MDN1: variants seen among roughly 807,000 people sequenced by gnomAD.
MDN1 encodes the protein midasin.
Under a neutral mutation model 669.2 loss-of-function variants are expected in MDN1, and 266 were observed. That is an observed-to-expected ratio of 0.40 (90% CI 0.36 to 0.44). The LOEUF (loss-of-function observed/expected upper bound fraction) is 0.44. Among genes scored for constraint, MDN1 ranks in the 20% least tolerant of loss-of-function variants. The probability of loss-of-function intolerance (pLI) is 1.00; values close to 1 mark genes in which losing one functional copy is unlikely to be tolerated. For synonymous variants in MDN1, 2,385 were observed against 2,457.1 expected, an observed-to-expected ratio of 0.97 and a Z score of 0.87; for missense variants, 5,940 against 6,754.0, an observed-to-expected ratio of 0.88 and a Z score of 4.22.
intron 40 of MDN1, 38 bp from the exon 41 acceptor site, chr6:89,719,263 C>T (rs1328164588): frequency 1.3e-6 from 2 of 1,540,414 alleles, no homozygotes; most frequent in African/African-American, 1.4e-5. Context: ...ACACAAATCA[C>T]TCCACCTAAT....
In MDN1 at chr6:89,643,918, T is replaced by A. The variant is rs1372941480; in HGVS notation, c.*87A>T. 23 of 1,130,896 alleles carry A rather than the reference T, an allele frequency of 2.0e-5. No homozygotes were observed. Among genetic ancestry groups the A allele is most frequent in the Non-Finnish European group, 2.8e-5 (23 of 818,650 alleles). The allele number at this position is 1,130,896 out of a possible 1,614,324, so 70.1% of individuals were successfully genotyped here. On this transcript the variant is annotated 3_prime_UTR_variant, in exon 102 of 102. Transcript: ENST00000369393. ...AAATAAAAATATTACAATAAAATTT[T>A]TTGTAGTTGTCCAAAAGGGAGCACC...
At chr6:89,807,188 G>A (rs898499870) in intron 1 of MDN1, among the ~76,000 whole-genome samples, 1 of 152,048 alleles carries the variant, frequency 6.6e-6, no homozygotes, top group Non-Finnish European at 1.5e-5. Flanking sequence ...CCAGACTCAA[G>A]GGATCCTCCT....
At chr6:89,678,817 C>T in intron 74 of MDN1, 72 bp from the exon 75 acceptor site, 25 of 1,496,270 alleles carry the variant, frequency 1.7e-5, no homozygotes, top group Non-Finnish European at 2.3e-5. Context: ...TGTTTGTTAC[C>T]CAACACCAGG....
intron 35 of MDN1, among the ~76,000 whole-genome samples, chr6:89,730,364 T>C (rs538912860): frequency 2.0e-5 from 3 of 152,312 alleles, no homozygotes; most frequent in Non-Finnish European, 4.4e-5. Flanking sequence ...TGAGGTTGTA[T>C]AGTTAAGATA....
rs147773405 is a variant in MDN1 at position 89,723,636 on chromosome 6, A to T, written c.5671-17T>A. On this transcript the variant is annotated splice_polypyrimidine_tract_variant and intron_variant, in intron 38 of 101. Coordinates refer to ENST00000369393, the MANE Select transcript of MDN1 (RefSeq NM_014611.3). ...AACGAAGACCTAGAAATCCAAAAAT[A>T]ATATGAAGAAATGCCTTTGTTTCTC... The T allele has an allele frequency of 7.2e-7, 1 of 1,393,798 alleles. No homozygotes were observed. Among genetic ancestry groups the T allele is most frequent in the Non-Finnish European group, 9.9e-7 (1 of 1,015,064 alleles). The allele number at this position is 1,393,798 out of a possible 1,614,324, so 86.3% of individuals were successfully genotyped here.
intron 46 of MDN1, among the ~76,000 whole-genome samples, chr6:89,713,581 G>C (rs960316793): frequency 1.4e-4 from 21 of 152,112 alleles, no homozygotes; most frequent in African/African-American, 5.1e-4. Flanking sequence ...TTAATCTAAT[G>C]CTGACACACA....
chr6:89,711,985 CA>C (rs1262758647), intron 49 of MDN1, 50 bp downstream of exon 49: 11 of 1,451,314 alleles, frequency 7.6e-6, no homozygotes, highest in East Asian at 2.3e-5. Context: ...ACTTAAATAG[CA>C]TAAGTGTATA....
At position 89,751,415 on chromosome 6, in the gene MDN1, A is replaced by G. The variant is rs1397630220; in HGVS notation, c.3227+16T>C. Reference sequence around the variant, plus strand: ...CCTGTATCAAGTTCGGGGCAGCGAGAAAAAAGCCCACACACCCTGCAGAGA... The same window carrying G: ...CCTGTATCAAGTTCGGGGCAGCGAGGAAAAAGCCCACACACCCTGCAGAGA... On this transcript the variant is annotated intron_variant, in intron 23 of 101. Coordinates refer to ENST00000369393, the MANE Select transcript of MDN1 (RefSeq NM_014611.3). The G allele has an allele frequency of 2.5e-6, 4 of 1,613,826 alleles. No individual in the cohort carries two copies. The highest frequency in any genetic ancestry group is 3.4e-6 in the Non-Finnish European group (4 of 1,179,810).
intron 5 of MDN1, among the ~76,000 whole-genome samples, chr6:89,791,826 G>A (rs971971739): frequency 5.3e-5 from 8 of 151,170 alleles, no homozygotes; most frequent in South Asian, 2.1e-4. Context: ...GTGAACTAAC[G>A]TGTAAAGTAA....
chr6:89,721,572 A>G (rs1814824559), intron 40 of MDN1, among the ~76,000 whole-genome samples: 1 of 152,140 alleles, frequency 6.6e-6, no homozygotes, highest in Admixed American at 6.5e-5. Context: ...CTGTTATCCT[A>G]AACTAGGGTT....
At position 89,716,651 on chromosome 6, in the gene MDN1, T is replaced by C; in HGVS notation, c.6742A>G (p.Asn2248Asp). Reference sequence around the variant, plus strand: ...ACTGATTAGGCATAAGGTTCTTACTTGCAGAAGTTAACATTGTCCATCAGA... The same window carrying C: ...ACTGATTAGGCATAAGGTTCTTACTCGCAGAAGTTAACATTGTCCATCAGA... ...WLLMDNVNFCNPSVLDRLNAL... is the reference protein window; with the variant it reads ...WLLMDNVNFCDPSVLDRLNAL... Residue 2248 changes from asparagine (N) to aspartate (D), a missense_variant and splice_region_variant, in exon 44 of 102, where the codon AAC (asparagine) becomes GAC (aspartate). Physicochemically the swap from Asn to Asp is conservative, Grantham distance 23. Coordinates refer to ENST00000369393, the MANE Select transcript of MDN1 (RefSeq NM_014611.3). 6.2e-7 allele frequency: 1 copy of C among 1,609,340 alleles called. No homozygotes were observed. Among genetic ancestry groups the C allele is most frequent in the South Asian group, 1.1e-5 (1 of 89,840 alleles).
intron 20 of MDN1, among the ~76,000 whole-genome samples, chr6:89,755,497 A>C (rs114576519): frequency 0.012 from 1,758 of 152,268 alleles, 49 homozygotes; most frequent in African/African-American, 0.04. Flanking sequence ...TCTAGAATTA[A>C]AGCTCAATGA....
At position 89,712,712 on chromosome 6, in the gene MDN1, G is replaced by A. The variant is rs1352346365; in HGVS notation, c.7293C>T (p.Gly2431=). 1 of 1,613,994 alleles carries A rather than the reference G, an allele frequency of 6.2e-7. No homozygotes were observed. The highest frequency in any genetic ancestry group is 1.7e-5 in the Admixed American group (1 of 60,002). ...AHETWGDSIL[G]MGLWPDSVPS... is the part of the protein sequence containing the mutation. Reference sequence around the variant, plus strand: ...GCACAGAATCTGGCCACAGTCCCATGCCAAGAATGGAGTCTCCCCAGGTTT... The same window carrying A: ...GCACAGAATCTGGCCACAGTCCCATACCAAGAATGGAGTCTCCCCAGGTTT... The change falls in exon 48 of 102, where the codon GGC becomes GGT. Residue 2431 remains glycine (G), a synonymous_variant. Transcript: ENST00000369393.
chr6:89,808,090 T>C (rs1013966273), intron 1 of MDN1, among the ~76,000 whole-genome samples: 2 of 152,020 alleles, frequency 1.3e-5, no homozygotes, highest in Non-Finnish European at 2.9e-5. Flanking sequence ...ATAATCACTT[T>C]TTTCTTTTTT....
At chr6:89,773,259 A>G (rs976023558) in intron 13 of MDN1, among the ~76,000 whole-genome samples, 4 of 152,182 alleles carry the variant, frequency 2.6e-5, no homozygotes. Flanking sequence ...TACACACACA[A>G]GGCAGAGCAT....
chr6:89,695,870 C>A lies in MDN1; in HGVS notation c.9506G>T (p.Ser3169Ile). 1 of 1,613,500 alleles carries A rather than the reference C, an allele frequency of 6.2e-7. No individual in the cohort carries two copies. Among genetic ancestry groups the A allele is most frequent in the Non-Finnish European group, 8.5e-7 (1 of 1,180,030 alleles). Residue 3169 changes from serine to isoleucine, a missense_variant, in exon 61 of 102, where the codon AGC (serine) becomes ATC (isoleucine). Around this residue, in one of 5 missense-constraint regions of MDN1, gnomAD observed 2,292 missense variants for 2,638.3 expected, o/e 0.87. Transcript: ENST00000369393. The surrounding 1 kb of genome is among the most constrained non-coding windows in gnomAD (Gnocchi z 4.1). ...MQNCEQLLLG[S>I]SQAFQHVGQT... ...GCCCACATGCTGGAAGGCCTGGCTG[C>A]TCCCAAGCAGCAGCTGCTCACAGTT...
In MDN1 at chr6:89,653,091, T is replaced by A; in HGVS notation, c.15726A>T (p.Thr5242=). ...VKTEEDQDPR[T]DKAHKETENE... ...TTTCTGTCTCCTTATGGGCTTTGTC[T>A]GTTCTGGGGTCTTGGTCTTCCTCTG... Residue 5242 remains threonine, a synonymous_variant, in exon 94 of 102, where the codon ACA becomes ACT. Transcript: ENST00000369393. 1 of 1,614,182 alleles carries A rather than the reference T, an allele frequency of 6.2e-7. No individual in the cohort carries two copies. The highest frequency in any genetic ancestry group is 8.5e-7 in the Non-Finnish European group (1 of 1,180,024).
At chr6:89,658,437 C>G in intron 89 of MDN1, 67 bp from the exon 90 acceptor site, 1 of 1,594,410 alleles carries the variant, frequency 6.3e-7, no homozygotes, top group Non-Finnish European at 8.6e-7. Flanking sequence ...GGAGACCTTG[C>G]AACAAGCAGG....
chr6:89,810,652 C>T (rs956472516), intron 1 of MDN1, among the ~76,000 whole-genome samples: 3 of 152,102 alleles, frequency 2.0e-5, no homozygotes, highest in Non-Finnish European at 2.9e-5. Context: ...ATATGTATTT[C>T]TGTCATCGCC....
Sources: allele counts gnomAD v4.1 joint callset (sites outside exome capture counted in the v4.1 genomes callset), GRCh38; gene constraint gnomAD v4.1.1; regional missense constraint gnomAD v4.1.1; non-coding constraint Gnocchi (gnomAD v3.1); transcripts MANE v1.5; gene names NCBI Gene and HGNC (gene_info 2026-07-23, HGNC 2026-07-21).